The following SLC29A4 variants were observed in gnomAD, a reference collection of about 807,000 sequenced individuals.
The protein encoded by SLC29A4 is equilibrative nucleoside transporter 4.
SLC29A4 carries 36 observed loss-of-function variants against 43.9 expected under a neutral mutation model. The observed-to-expected ratio is 0.82, with a 90% CI of 0.63 to 1.08. SLC29A4 has a LOEUF of 1.08. SLC29A4 is among the 50% of genes least tolerant of loss of function. SLC29A4 has a pLI of 0.00. For missense variants in SLC29A4, 869 were observed against 755.3 expected, an observed-to-expected ratio of 1.15 and a Z score of -1.77; for synonymous variants, 491 against 338.0, an observed-to-expected ratio of 1.45 and a Z score of -4.97.
intron 5 of SLC29A4, among the ~76,000 whole-genome samples, chr7:5,292,193 C>G (rs916365898): frequency 3.0e-4 from 45 of 152,300 alleles, no homozygotes; most frequent in African/African-American, 1.1e-3. Context: ...TCACTGCAGC[C>G]TCAACCTCCT....
Position 5,305,551 on chromosome 7 carries a change from GCTTT to G in SLC29A4, c.*2613_*2616del, listed in dbSNP as rs1371553271. 1 of 141,100 alleles carries G rather than the reference GCTTT, an allele frequency of 7.1e-6. No individual in the cohort carries two copies. Among genetic ancestry groups the G allele is most frequent in the Non-Finnish European group, 1.5e-5 (1 of 65,646 alleles). The allele number at this position is 141,100 out of a possible 1,614,324, so 8.7% of individuals were successfully genotyped here. On this transcript the variant is annotated 3_prime_UTR_variant, in exon 11 of 11. Coordinates refer to ENST00000396872, the MANE Select transcript of SLC29A4 (RefSeq NM_153247.4). ...TGGTAGGCATGGCTGGAAATGTGCA[GCTTT>G]GCTTTTTTTTTTTTTTTTTTTGGAG...
intron 4 of SLC29A4, 41 bp from the exon 5 acceptor site, chr7:5,291,652 G>A (rs1785317842): frequency 1.3e-6 from 2 of 1,550,786 alleles, no homozygotes; most frequent in Non-Finnish European, 1.7e-6. Context: ...ACCCCACCCA[G>A]TTGGCTCCAC....
rs185299189 is a variant in SLC29A4, at chr7:5,303,066, C to T, written c.*127C>T. On this transcript the variant is annotated 3_prime_UTR_variant, in exon 11 of 11. Coordinates refer to ENST00000396872, the MANE Select transcript of SLC29A4 (RefSeq NM_153247.4). ...GCCTCCCCCTGTGCCAGCAGCCCCA[C>T]TCCCTCAGGGTCCAGCCATGCCCCA... is the stretch of plus-strand genomic sequence containing the variant. The T allele has an allele frequency of 7.3e-5, 85 of 1,157,194 alleles. No individual in the cohort carries two copies. In the East Asian group the frequency reaches 1.0e-3, roughly 14 times the overall value. 71.7% of individuals were successfully genotyped at this position (1,157,194 alleles called of 1,614,324 possible).
At chr7:5,299,468 G>C (rs543769595) in intron 9 of SLC29A4, 41 bp downstream of exon 9, 3 of 1,585,518 alleles carry the variant, frequency 1.9e-6, no homozygotes, top group Non-Finnish European at 2.6e-6. Context: ...GACGCCATGG[G>C]GTGGGGGTGA....
chr7:5,297,245 T>A, intron 7 of SLC29A4, 47 bp downstream of exon 7: 1 of 1,481,676 alleles, frequency 6.7e-7, no homozygotes, highest in Non-Finnish European at 8.9e-7. Flanking sequence ...TCCCCTTCTC[T>A]GTCCCCACCG....
intron 5 of SLC29A4, among the ~76,000 whole-genome samples, chr7:5,293,958 T>G (rs1176436183): frequency 2.0e-5 from 3 of 152,008 alleles, no homozygotes; most frequent in Admixed American, 2.0e-4. Flanking sequence ...TACAAAAAAT[T>G]AGCCGGGTGT....
At chr7:5,284,149 C>G (rs1021065629) in intron 1 of SLC29A4, among the ~76,000 whole-genome samples, 28 of 151,912 alleles carry the variant, frequency 1.8e-4, no homozygotes, top group African/African-American at 4.6e-4. Context: ...TCTGGGAGGC[C>G]GGGGCTGAGG....
At chr7:5,296,387 G>A (rs1161736232) in intron 6 of SLC29A4, among the ~76,000 whole-genome samples, 1 of 150,838 alleles carries the variant, frequency 6.6e-6, no homozygotes, top group Non-Finnish European at 1.5e-5. Flanking sequence ...CATGGTGGGG[G>A]TGTGTGAGCG....
At chr7:5,288,238 GC>G (rs1785084645) in intron 2 of SLC29A4, among the ~76,000 whole-genome samples, 3 of 150,488 alleles carry the variant, frequency 2.0e-5, no homozygotes, top group Admixed American at 2.0e-4. Flanking sequence ...CTTAACATGG[GC>G]TTTTGTGCTC....
chr7:5,294,761 T>G (rs1248856562), intron 5 of SLC29A4, 99 bp from the exon 6 acceptor site: 3 of 1,237,736 alleles, frequency 2.4e-6, no homozygotes, highest in African/African-American at 1.5e-5. Flanking sequence ...AACGGCTGTT[T>G]ACGCACCCTC....
At chr7:5,293,861 T>C (rs1300135737) in intron 5 of SLC29A4, among the ~76,000 whole-genome samples, 1 of 152,062 alleles carries the variant, frequency 6.6e-6, no homozygotes, top group African/African-American at 2.4e-5. Context: ...AATCCCAGCA[T>C]TTTGGGAGGC....
chr7:5,297,419 A>G (rs1583671399), intron 7 of SLC29A4, among the ~76,000 whole-genome samples: 1 of 151,790 alleles, frequency 6.6e-6, no homozygotes, highest in African/African-American at 2.4e-5. Context: ...GCCCCACTCC[A>G]CCCGCATCTG....
Position 5,302,953 on chromosome 7 carries a change from A to G in SLC29A4, c.*14A>G. 1 of 1,601,708 alleles carries G rather than the reference A, an allele frequency of 6.2e-7. No homozygotes were observed. Among genetic ancestry groups the G allele is most frequent in the South Asian group, 1.1e-5 (1 of 88,932 alleles). On this transcript the variant is annotated 3_prime_UTR_variant, in exon 11 of 11. Transcript: ENST00000396872. ...GCAGGCCTCTGAGCCAGCCCCGCCCACTGCCAGGGACGCCGAGGGCCTGAC... is the reference window on the plus strand; with the variant it reads ...GCAGGCCTCTGAGCCAGCCCCGCCCGCTGCCAGGGACGCCGAGGGCCTGAC...
Position 5,306,187 on chromosome 7 carries a change from A to ATTTGTTTTTTTT in SLC29A4, c.*3251_*3252insGTTTTTTTTTTT, listed in dbSNP as rs1333210739. 8.5e-6 allele frequency: 1 copy of ATTTGTTTTTTTT among 117,584 alleles called. No homozygotes were observed. Among genetic ancestry groups the ATTTGTTTTTTTT allele is most frequent in the African/African-American group, 3.2e-5 (1 of 31,348 alleles). The allele number at this position is 117,584 out of a possible 1,614,324, so 7.3% of individuals were successfully genotyped here. A position where few individuals can be genotyped will look rare whatever the true frequency, so the allele number is the denominator to read the frequency against. On this transcript the variant is annotated 3_prime_UTR_variant, in exon 11 of 11. Transcript: ENST00000396872. ...ATTTTTTCTCATGTAAATTTGTTCA[A>ATTTGTTTTTTTT]TTTCTTTTTTTTTTTTTTTTTTTTT...
chr7:5,300,467 G>A lies in SLC29A4; in HGVS notation c.1255G>A (p.Ala419Thr). The change falls in exon 10 of 11, where the codon GCC (alanine) becomes ACC (threonine). Residue 419 changes from alanine (A) to threonine (T), a missense_variant. Physicochemically the swap from Ala to Thr is moderately conservative, Grantham distance 58. Transcript: ENST00000396872. ...GGACTGGCGGGGCACCCACCTGCTG[G>A]CCTGCTCCTGCCTGCGTGTGGTCTT... The part of the protein sequence containing the change: ...PVDWRGTHLL[A>T]CSCLRVVFIP... 2.5e-6 allele frequency: 4 copies of A among 1,611,446 alleles called. No homozygotes were observed. The highest frequency in any genetic ancestry group is 3.4e-6 in the Non-Finnish European group (4 of 1,179,748).
chr7:5,296,789 AGGGCGGGGCCTGTGGGTGG>A lies in SLC29A4; in HGVS notation c.620-142_620-124del, dbSNP rs1436732047. The A allele has an allele frequency of 1.1e-3, 919 of 811,970 alleles. 2 individuals are homozygous for A. Among genetic ancestry groups the A allele is most frequent in the Admixed American group, 3.1e-3 (64 of 20,686 alleles). 50.3% of individuals were successfully genotyped at this position (811,970 alleles called of 1,614,324 possible). A position where few individuals can be genotyped will look rare whatever the true frequency, so the allele number is the denominator to read the frequency against. On this transcript the variant is annotated intron_variant, in intron 6 of 10. Transcript: ENST00000396872. ...TGGGTGGGGGCAGGGCCTGTGGTGG[AGGGCGGGGCCTGTGGGTGG>A]GGGCAGGGCCTGTGGTGGAGGGCGG... is the stretch of plus-strand genomic sequence containing the variant.
At chr7:5,294,021 A>G (rs1253022695) in intron 5 of SLC29A4, among the ~76,000 whole-genome samples, 1 of 150,394 alleles carries the variant, frequency 6.6e-6, no homozygotes, top group Admixed American at 6.7e-5. Context: ...CAGGAGAATC[A>G]TGTGAACCCA....
At position 5,304,475 on chromosome 7, in the gene SLC29A4, A is replaced by G. The variant is rs1035106201; in HGVS notation, c.*1536A>G. The G allele has an allele frequency of 2.0e-5, 3 of 152,044 alleles. No homozygotes were observed. Among genetic ancestry groups the G allele is most frequent in the African/African-American group, 7.2e-5 (3 of 41,422 alleles). The allele number at this position is 152,044 out of a possible 1,614,324, so 9.4% of individuals were successfully genotyped here. On this transcript the variant is annotated 3_prime_UTR_variant, in exon 11 of 11. Coordinates refer to ENST00000396872, the MANE Select transcript of SLC29A4 (RefSeq NM_153247.4). ...TTTTGCTGATTTGTGCAATTTGGACAAAATCCTGCACTGTTCTGTGCCTCA... is the reference window on the plus strand; with the variant it reads ...TTTTGCTGATTTGTGCAATTTGGACGAAATCCTGCACTGTTCTGTGCCTCA...
At chr7:5,289,485 C>T (rs143256806) in intron 2 of SLC29A4, among the ~76,000 whole-genome samples, 12 of 152,242 alleles carry the variant, frequency 7.9e-5, no homozygotes, top group East Asian at 5.8e-4. Flanking sequence ...CTGGAACCCA[C>T]GGGCAGGAGC....
Sources: gnomAD v4.1 joint callset for allele counts (sites outside exome capture counted in the v4.1 genomes callset) on GRCh38, gnomAD v4.1.1 for gene constraint, MANE v1.5 for transcripts, NCBI Gene and HGNC (gene_info 2026-07-23, HGNC 2026-07-21) for gene names.